The following ADTRP variants were observed in gnomAD, a reference collection of about 807,000 sequenced individuals.
The protein encoded by ADTRP is androgen dependent TFPI regulating protein, also known as androgen-dependent TFPI-regulating protein.
In ADTRP, 20 loss-of-function variants were observed where a neutral mutation model predicts 27.0. The observed-to-expected ratio is 0.74, with a 90% CI of 0.52 to 1.08. The LOEUF (loss-of-function observed/expected upper bound fraction) is 1.08. Among genes scored for constraint, ADTRP ranks in the 50% least tolerant of loss-of-function variants. The pLI is 0.00. For missense variants in ADTRP, 251 were observed against 275.0 expected (o/e 0.91, Z 0.62); for synonymous variants, 101 against 105.2 (o/e 0.96, Z 0.25).
chr6:11,764,756 T>A (rs555360358), intron 3 of ADTRP, among the ~76,000 whole-genome samples: 1 of 152,230 alleles, frequency 6.6e-6, no homozygotes. Context: ...ACATCACTTA[T>A]CCTCTCTGAG....
At chr6:11,765,314 C>G (rs1763528242) in intron 3 of ADTRP, among the ~76,000 whole-genome samples, 1 of 143,732 alleles carries the variant, frequency 7.0e-6, no homozygotes, top group African/African-American at 2.6e-5. Context: ...TGTGCCTTTC[C>G]CCTGGTTTGT....
At chr6:11,738,094 T>TA (rs1216546683) in intron 3 of ADTRP, among the ~76,000 whole-genome samples, 1 of 152,180 alleles carries the variant, frequency 6.6e-6, no homozygotes, top group Non-Finnish European at 1.5e-5. Flanking sequence ...GTAATATGCT[T>TA]AGTCTTTGGC....
At chr6:11,750,285 C>T (rs927247758) in intron 3 of ADTRP, among the ~76,000 whole-genome samples, 14 of 152,192 alleles carry the variant, frequency 9.2e-5, no homozygotes, top group African/African-American at 3.4e-4. Flanking sequence ...CCCTGAATGG[C>T]GGAAAATCCC....
At chr6:11,769,095 T>C (rs1315470724) in intron 1 of ADTRP, among the ~76,000 whole-genome samples, 2 of 152,102 alleles carry the variant, frequency 1.3e-5, no homozygotes, top group African/African-American at 4.8e-5. Context: ...AAGAAAGTAA[T>C]ACGATATGGA....
intron 3 of ADTRP, among the ~76,000 whole-genome samples, chr6:11,745,684 C>T (rs1373736806): frequency 6.6e-6 from 1 of 150,636 alleles, no homozygotes. Flanking sequence ...GAATGTGCCA[C>T]TAAATTGTGT....
At chr6:11,776,555 A>G (rs1763960235) in intron 1 of ADTRP, among the ~76,000 whole-genome samples, 1 of 152,214 alleles carries the variant, frequency 6.6e-6, no homozygotes, top group African/African-American at 2.4e-5. Context: ...AAAATCAGAG[A>G]AAGGAAAAGG....
chr6:11,762,317 C>A (rs1267799113), intron 3 of ADTRP, among the ~76,000 whole-genome samples: 2 of 152,190 alleles, frequency 1.3e-5, no homozygotes, highest in Non-Finnish European at 1.5e-5. Context: ...CACCAGTATG[C>A]CACTGCCTTG....
At chr6:11,733,883 C>G (rs903027736) in intron 4 of ADTRP, among the ~76,000 whole-genome samples, 7 of 152,306 alleles carry the variant, frequency 4.6e-5, no homozygotes, top group African/African-American at 1.7e-4. Context: ...TCCCCAATAA[C>G]AGCAGTGGCC....
intron 1 of ADTRP, among the ~76,000 whole-genome samples, chr6:11,775,361 GCTACC>G (rs1477269872): frequency 6.6e-6 from 1 of 151,832 alleles, no homozygotes; most frequent in Admixed American, 6.6e-5. Flanking sequence ...CTCCCCCATG[GCTACC>G]CTATGGTTAG....
At chr6:11,738,534 A>G (rs1161680612) in intron 3 of ADTRP, 2 of 152,216 alleles carry the variant, frequency 1.3e-5, no homozygotes, top group Non-Finnish European at 2.9e-5. Context: ...AGCCCATTAT[A>G]CTGGCCATTG....
intron 3 of ADTRP, among the ~76,000 whole-genome samples, chr6:11,743,039 C>A (rs1007350019): frequency 1.3e-5 from 2 of 152,210 alleles, no homozygotes; most frequent in African/African-American, 4.8e-5. Context: ...ACCAAGGAAA[C>A]CATCCCCAGC....
In ADTRP at chr6:11,714,566, T is replaced by C; in HGVS notation, c.659-54A>G. On this transcript the variant is annotated intron_variant, in intron 5 of 5. Coordinates refer to ENST00000414691, the MANE Select transcript of ADTRP (RefSeq NM_032744.4). ...CAGGCTTCAGGCTTTCCCTAATGGGTATTTTTGTTGTGGGTAGAGATTCAC... is the reference window on the plus strand; with the variant it reads ...CAGGCTTCAGGCTTTCCCTAATGGGCATTTTTGTTGTGGGTAGAGATTCAC... 4 of 1,585,348 alleles carry C rather than the reference T, an allele frequency of 2.5e-6. No homozygotes were observed. In the South Asian group the frequency reaches 4.6e-5, roughly 18 times the overall value.
At chr6:11,727,396 T>C (rs1318104217) in intron 4 of ADTRP, among the ~76,000 whole-genome samples, 1 of 152,144 alleles carries the variant, frequency 6.6e-6, no homozygotes, top group East Asian at 1.9e-4. Flanking sequence ...TGGCTACTTC[T>C]CATGGCAGGA....
chr6:11,769,960 A>G, intron 1 of ADTRP: 1 of 1,493,690 alleles, frequency 6.7e-7, no homozygotes, highest in Non-Finnish European at 9.1e-7. Flanking sequence ...CATTCTCATA[A>G]CAACCTTACG....
At chr6:11,750,148 T>C (rs1243291712) in intron 3 of ADTRP, among the ~76,000 whole-genome samples, 2 of 152,050 alleles carry the variant, frequency 1.3e-5, no homozygotes, top group Admixed American at 1.3e-4. Context: ...TTCACAAGAA[T>C]AAAAGAGGTT....
At chr6:11,771,611 G>A (rs1320599753) in intron 1 of ADTRP, among the ~76,000 whole-genome samples, 1 of 152,220 alleles carries the variant, frequency 6.6e-6, no homozygotes, top group Admixed American at 6.5e-5. Flanking sequence ...AACAGACGGA[G>A]CGATCAGGGG....
intron 5 of ADTRP, among the ~76,000 whole-genome samples, chr6:11,720,172 G>A (rs921334879): frequency 6.6e-6 from 1 of 152,328 alleles, no homozygotes; most frequent in Non-Finnish European, 1.5e-5. Context: ...AGGGGGCTCA[G>A]GCTGTGGAAG....
intron 5 of ADTRP, among the ~76,000 whole-genome samples, chr6:11,721,892 T>C (rs750486627): frequency 1.3e-5 from 2 of 151,770 alleles, no homozygotes; most frequent in African/African-American, 2.4e-5. Flanking sequence ...AAATTCACCA[T>C]AGAGTAACAA....
intron 1 of ADTRP, among the ~76,000 whole-genome samples, chr6:11,775,223 T>C (rs73721811): frequency 0.16 from 24,086 of 151,938 alleles, 3,354 homozygotes; most frequent in African/African-American, 0.38. Context: ...TTCTACTAAG[T>C]CACCCTCCTG....
Sources: allele counts gnomAD v4.1 joint callset (sites outside exome capture counted in the v4.1 genomes callset), GRCh38; gene constraint gnomAD v4.1.1; transcripts MANE v1.5; gene names NCBI Gene and HGNC (gene_info 2026-07-23, HGNC 2026-07-21).